Variants in PAG1 observed in about 807,000 individuals in gnomAD.
The protein encoded by PAG1 is phosphoprotein associated with glycosphingolipid-enriched microdomains 1.
A neutral mutation model predicts 31.7 loss-of-function variants in PAG1; 23 were observed. The observed-to-expected ratio is 0.73, with a 90% CI of 0.52 to 1.03. The LOEUF is 1.03. Among genes scored for constraint, PAG1 ranks in the 50% least tolerant of loss-of-function variants. The pLI, the probability that PAG1 is intolerant of heterozygous loss-of-function variation, is 0.00. For synonymous variants in PAG1, 214 were observed against 210.3 expected (o/e 1.02, Z -0.15); for missense variants, 473 against 540.7 (o/e 0.87, Z 1.24).
chr8:81,014,033 G>A (rs934918254), intron 3 of PAG1, among the ~76,000 whole-genome samples: 2 of 152,062 alleles, frequency 1.3e-5, no homozygotes, highest in African/African-American at 4.8e-5. Flanking sequence ...AAATCATTGC[G>A]GTAATTTAAA....
In PAG1 at chr8:80,971,196, C is replaced by G. The variant is rs1807070257; in HGVS notation, c.*5348G>C. 6.6e-6 allele frequency: 1 copy of G among 152,154 alleles called. No homozygotes were observed. 9.4% of individuals were successfully genotyped at this position (152,154 alleles called of 1,614,324 possible). On this transcript the variant is annotated 3_prime_UTR_variant, in exon 9 of 9. Transcript: ENST00000220597. ...TCTTTTGTGAATTGGACAATTTGAC[C>G]ATTATGAAGATCTTTTGAAACAATC... is the stretch of plus-strand genomic sequence containing the variant.
At chr8:81,089,189 C>A (rs1809406763) in intron 1 of PAG1, among the ~76,000 whole-genome samples, 1 of 152,164 alleles carries the variant, frequency 6.6e-6, no homozygotes, top group Non-Finnish European at 1.5e-5. Context: ...CATGTTCAGT[C>A]ACTTCTACTT....
intron 2 of PAG1, among the ~76,000 whole-genome samples, chr8:81,066,408 C>T (rs949061522): frequency 1.3e-5 from 2 of 152,140 alleles, no homozygotes; most frequent in Admixed American, 1.3e-4. Flanking sequence ...CTTATTGTGC[C>T]TGCACCACAG....
At chr8:81,031,795 G>A (rs1481713617) in intron 2 of PAG1, among the ~76,000 whole-genome samples, 3 of 152,108 alleles carry the variant, frequency 2.0e-5, no homozygotes, top group African/African-American at 7.2e-5. Flanking sequence ...TACATTTTGC[G>A]ACTTAAAAAT....
intron 1 of PAG1, among the ~76,000 whole-genome samples, chr8:81,098,351 T>C: frequency 6.6e-6 from 1 of 152,264 alleles, no homozygotes; most frequent in African/African-American, 2.4e-5. Flanking sequence ...TTCTGAGCTG[T>C]GTGGGTCCAC....
intron 1 of PAG1, among the ~76,000 whole-genome samples, chr8:81,110,685 A>G (rs1441840006): frequency 6.6e-6 from 1 of 152,240 alleles, no homozygotes; most frequent in African/African-American, 2.4e-5. Context: ...TGCACAATGC[A>G]TGCTATTTTA....
Position 80,984,787 on chromosome 8 carries a change from C to A in PAG1, c.865G>T (p.Glu289Ter). 1 of 1,613,228 alleles carries A rather than the reference C, an allele frequency of 6.2e-7. No homozygotes were observed. Among genetic ancestry groups the A allele is most frequent in the Non-Finnish European group, 8.5e-7 (1 of 1,179,450 alleles). ...AEESATDTTSETNKRFSSLSY... is the reference protein window; with the variant it reads ...AEESATDTTS ...ACGCCAGTGCCCACCTTGTTAGTTTCACTGGTCGTGTCTGTGGCACTCTCT... is the reference window on the plus strand; with the variant it reads ...ACGCCAGTGCCCACCTTGTTAGTTTAACTGGTCGTGTCTGTGGCACTCTCT... Residue 289 changes from glutamate (E) to a stop codon, truncating the protein, a stop_gained, in exon 7 of 9, where the codon GAA (glutamate) becomes TAA (stop). Coordinates refer to ENST00000220597, the MANE Select transcript of PAG1 (RefSeq NM_018440.4). LOFTEE classifies it high-confidence loss of function.
At chr8:81,071,484 C>T (rs1461803651) in intron 1 of PAG1, among the ~76,000 whole-genome samples, 1 of 152,158 alleles carries the variant, frequency 6.6e-6, no homozygotes, top group East Asian at 1.9e-4. Flanking sequence ...GGGAAATTTC[C>T]CCACCAGTCT....
rs1807142243 is a variant in PAG1, at chr8:80,974,384, TC to T, written c.*2159del. The T allele has an allele frequency of 6.6e-6, 1 of 152,180 alleles. No homozygotes were observed. The highest frequency in any genetic ancestry group is 2.4e-5 in the African/African-American group (1 of 41,436). The allele number at this position is 152,180 out of a possible 1,614,324, so 9.4% of individuals were successfully genotyped here. A position where few individuals can be genotyped will look rare whatever the true frequency, so the allele number is the denominator to read the frequency against. Reference sequence around the variant, plus strand: ...CATTAACACAAAGCAGTGAAAATCATCCAGCAAAGCAGTGCTTATGAGAGAC... The same window carrying T: ...CATTAACACAAAGCAGTGAAAATCATCAGCAAAGCAGTGCTTATGAGAGAC... On this transcript the variant is annotated 3_prime_UTR_variant, in exon 9 of 9. Transcript: ENST00000220597.
intron 1 of PAG1, among the ~76,000 whole-genome samples, chr8:81,075,804 C>T (rs752563488): frequency 2.6e-5 from 4 of 152,218 alleles, no homozygotes; most frequent in Non-Finnish European, 5.9e-5. Flanking sequence ...CCTCCGCTTT[C>T]CCGCATCTCT....
chr8:80,987,818 A>C (rs1339884132), intron 5 of PAG1, among the ~76,000 whole-genome samples: 1 of 152,230 alleles, frequency 6.6e-6, no homozygotes, highest in Non-Finnish European at 1.5e-5. Flanking sequence ...CCTTTCTCTC[A>C]AAATATCTTG....
chr8:81,058,554 A>T (rs1303211109), intron 2 of PAG1: 1 of 152,134 alleles, frequency 6.6e-6, no homozygotes, highest in Non-Finnish European at 1.5e-5. Context: ...GTATGATTAC[A>T]CCATTACACT....
rs1809784450 is a variant in PAG1 at position 81,112,026 on chromosome 8, G to A, written c.-669C>T. The A allele has an allele frequency of 6.6e-6, 1 of 152,210 alleles. No individual in the cohort carries two copies. The highest frequency in any genetic ancestry group is 6.5e-5 in the Admixed American group (1 of 15,284). The allele number at this position is 152,210 out of a possible 1,614,324, so 9.4% of individuals were successfully genotyped here. On this transcript the variant is annotated 5_prime_UTR_variant, in exon 1 of 9. Coordinates refer to ENST00000220597, the MANE Select transcript of PAG1 (RefSeq NM_018440.4). The stretch of plus-strand genomic sequence containing the variant: ...GGGCGCGCAGACGGACAAGCGAGCG[G>A]GAGGGTACCGCAGCCAGCACTCGCC...
intron 1 of PAG1, among the ~76,000 whole-genome samples, chr8:81,090,320 T>C (rs1809424928): frequency 6.6e-6 from 1 of 152,340 alleles, no homozygotes; most frequent in African/African-American, 2.4e-5. Context: ...GTTCTGATGC[T>C]TTCTATATAT....
At chr8:80,980,546 C>A (rs775126871) in intron 7 of PAG1, 52 bp from the exon 8 acceptor site, 1 of 1,165,874 alleles carries the variant, frequency 8.6e-7, no homozygotes, top group East Asian at 2.3e-5. Flanking sequence ...AACAATCTAA[C>A]CTTTCTTTTG....
At chr8:81,009,248 A>G (rs923715714) in intron 3 of PAG1, among the ~76,000 whole-genome samples, 10 of 152,132 alleles carry the variant, frequency 6.6e-5, no homozygotes, top group African/African-American at 2.4e-4. Context: ...TATTATAACA[A>G]CTTCAATATT....
chr8:81,054,584 G>A (rs1402707399), intron 2 of PAG1, among the ~76,000 whole-genome samples: 4 of 152,164 alleles, frequency 2.6e-5, no homozygotes, highest in Non-Finnish European at 5.9e-5. Context: ...GCTGAGGCAA[G>A]AGAGTGGTGT....
At chr8:81,079,231 G>C (rs1436520985) in intron 1 of PAG1, among the ~76,000 whole-genome samples, 1 of 151,930 alleles carries the variant, frequency 6.6e-6, no homozygotes, top group Non-Finnish European at 1.5e-5. Flanking sequence ...AGCCAAACAA[G>C]TAGCCACTTC....
chr8:81,089,022 A>G lies in PAG1; in HGVS notation c.-233-18852T>C, dbSNP rs147067775. ...TTTTTACAAGTGGAGATTTATCACAATGCTTTTAAGAACTGTGAAAGATCT... is the reference window on the plus strand; with the variant it reads ...TTTTTACAAGTGGAGATTTATCACAGTGCTTTTAAGAACTGTGAAAGATCT... On this transcript the variant is annotated intron_variant, in intron 1 of 8. Transcript: ENST00000220597. 3.2e-3 allele frequency among the ~76,000 whole-genome samples: 480 copies of G among 152,362 alleles called. 3 individuals carry two copies. The highest frequency in any genetic ancestry group is 0.011 in the African/African-American group (453 of 41,590).
Sources: allele counts gnomAD v4.1 joint callset (sites outside exome capture counted in the v4.1 genomes callset), GRCh38; gene constraint gnomAD v4.1.1; transcripts MANE v1.5; gene names NCBI Gene and HGNC (gene_info 2026-07-23, HGNC 2026-07-21).